MYT1L: variants seen among roughly 807,000 people sequenced by gnomAD.
The protein encoded by MYT1L is myelin transcription factor 1-like protein.
In MYT1L, 12 loss-of-function variants were observed where a neutral mutation model predicts 126.7. The observed-to-expected ratio is 0.09, with a 90% CI of 0.06 to 0.15. The LOEUF is 0.15. MYT1L is among the 10% of genes least tolerant of loss of function. The pLI, the probability that MYT1L is intolerant of heterozygous loss-of-function variation, is 1.00. For missense variants in MYT1L, 979 were observed against 1,585.2 expected (o/e 0.62, Z 6.49); for synonymous variants, 541 against 604.2 (o/e 0.90, Z 1.53).
At chr2:1,964,814 G>A (rs1558562136) in intron 8 of MYT1L, among the ~76,000 whole-genome samples, 4 of 152,190 alleles carry the variant, frequency 2.6e-5, no homozygotes, top group African/African-American at 7.2e-5. Context: ...ACAGGTGTCT[G>A]TGCTTCCGGA....
chr2:2,004,401 GCGTTCTTTCCTGCAT>G (rs2062892525), intron 4 of MYT1L, among the ~76,000 whole-genome samples: 4 of 126,364 alleles, frequency 3.2e-5, no homozygotes, highest in African/African-American at 1.3e-4. Context: ...TTTCCTGCAT[GCGTTCTTTCCTGCAT>G]GCGTTCTTTC....
chr2:2,107,710 G>C (rs1575205981), intron 3 of MYT1L, among the ~76,000 whole-genome samples: 1 of 152,124 alleles, frequency 6.6e-6, no homozygotes, highest in East Asian at 1.9e-4. Context: ...TTTTCAAAGA[G>C]AATAATGGGC....
At chr2:2,144,428 A>T (rs1210234496) in intron 3 of MYT1L, among the ~76,000 whole-genome samples, 2 of 152,218 alleles carry the variant, frequency 1.3e-5, no homozygotes, top group African/African-American at 4.8e-5. Context: ...CTGGAAAACT[A>T]GGCATAAATG....
At chr2:2,262,773 G>A (rs757639364) in intron 2 of MYT1L, among the ~76,000 whole-genome samples, 12 of 150,290 alleles carry the variant, frequency 8.0e-5, no homozygotes, top group African/African-American at 1.2e-4. Context: ...TTTCTAGCCC[G>A]CCCAAAGTCC....
intron 3 of MYT1L, among the ~76,000 whole-genome samples, chr2:2,079,400 G>A (rs2150304040): frequency 6.6e-6 from 1 of 152,268 alleles, no homozygotes; most frequent in South Asian, 2.1e-4. Context: ...CATTATTAAG[G>A]TAGCAATACT....
intron 4 of MYT1L, among the ~76,000 whole-genome samples, chr2:2,005,751 C>T (rs1228610268): frequency 6.1e-5 from 9 of 147,782 alleles, no homozygotes; most frequent in Non-Finnish European, 1.0e-4. Context: ...TTCTTTCCTG[C>T]AGGCGTTCTT....
At chr2:1,952,507 C>T (rs1020553802) in intron 8 of MYT1L, among the ~76,000 whole-genome samples, 64 of 152,024 alleles carry the variant, frequency 4.2e-4, no homozygotes, top group African/African-American at 1.5e-3. Context: ...TTCCAGGAGA[C>T]GTGGTTCTCC....
intron 1 of MYT1L, among the ~76,000 whole-genome samples, chr2:2,290,829 A>T (rs1048864168): frequency 6.6e-6 from 1 of 152,130 alleles, no homozygotes; most frequent in African/African-American, 2.4e-5. Context: ...GGTGATCCTG[A>T]TGTGTGGCCA....
intron 3 of MYT1L, among the ~76,000 whole-genome samples, chr2:2,065,015 A>T (rs1269229402): frequency 6.6e-6 from 1 of 152,132 alleles, no homozygotes; most frequent in Non-Finnish European, 1.5e-5. Context: ...CCTGGGAAAC[A>T]TAGGGAGAGG....
At chr2:1,879,108 G>T (rs2047251901) in intron 18 of MYT1L, among the ~76,000 whole-genome samples, 1 of 152,152 alleles carries the variant, frequency 6.6e-6, no homozygotes, top group African/African-American at 2.4e-5. Context: ...GAGCTTTCCT[G>T]CTTCCCCGGC....
chr2:2,037,192 G>A (rs1217089834), intron 4 of MYT1L, among the ~76,000 whole-genome samples: 2 of 152,218 alleles, frequency 1.3e-5, no homozygotes, highest in African/African-American at 4.8e-5. Context: ...TTTGCTGCCT[G>A]CACGATATTC....
chr2:1,963,076 AATAATAAGG>A (rs1245605336), intron 8 of MYT1L, among the ~76,000 whole-genome samples: 3 of 152,196 alleles, frequency 2.0e-5, no homozygotes, highest in African/African-American at 7.2e-5. Context: ...ATGTTTCTTA[AATAATAAGG>A]CTCGAAAGTC....
chr2:1,806,884 G>C lies in MYT1L; in HGVS notation c.3172+2192C>G, dbSNP rs769027278. ...TTTCCACTTTAATCCAGGGTTATTCGGGGGTGAAATGCCCTCTAAGTATTT... is the reference window on the plus strand; with the variant it reads ...TTTCCACTTTAATCCAGGGTTATTCCGGGGTGAAATGCCCTCTAAGTATTT... On this transcript the variant is annotated intron_variant, in intron 22 of 24. Coordinates refer to ENST00000647738, the MANE Select transcript of MYT1L (RefSeq NM_001303052.2). The surrounding 1 kb of genome is among the most constrained non-coding windows in gnomAD (Gnocchi z 4.9). Among the ~76,000 whole-genome samples, 11 of 152,330 alleles carry C rather than the reference G, an allele frequency of 7.2e-5. No individual in the cohort carries two copies. The highest frequency in any genetic ancestry group is 2.6e-4 in the African/African-American group (11 of 41,586).
intron 2 of MYT1L, among the ~76,000 whole-genome samples, chr2:2,196,640 A>AT (rs1272837183): frequency 2.6e-5 from 4 of 151,936 alleles, no homozygotes; most frequent in Admixed American, 2.0e-4. Flanking sequence ...GAGTTAAAGC[A>AT]TTGGTAATTT....
At chr2:2,232,946 G>GT (rs2149074457) in intron 2 of MYT1L, among the ~76,000 whole-genome samples, 1 of 152,214 alleles carries the variant, frequency 6.6e-6, no homozygotes, top group Admixed American at 6.5e-5. Context: ...GACCTTCAGA[G>GT]GTCTCTGTGA....
At chr2:1,839,393 C>G in intron 20 of MYT1L, 23 bp from the exon 21 acceptor site, 1 of 1,598,026 alleles carries the variant, frequency 6.3e-7, no homozygotes, top group Non-Finnish European at 8.6e-7. Flanking sequence ...AGAGGTGACA[C>G]ACTTTATTGT....
At chr2:2,292,113 C>T (rs750020727) in intron 1 of MYT1L, among the ~76,000 whole-genome samples, 17 of 152,178 alleles carry the variant, frequency 1.1e-4, no homozygotes, top group Non-Finnish European at 2.2e-4. Flanking sequence ...GGAATCTTCC[C>T]AGGCAAAAGG....
At chr2:1,796,659 T>C (rs1047731550) in intron 23 of MYT1L, among the ~76,000 whole-genome samples, 2 of 151,894 alleles carry the variant, frequency 1.3e-5, no homozygotes, top group Admixed American at 6.6e-5. Flanking sequence ...TGCCTGCTGT[T>C]TGGGCCACGG....
intron 4 of MYT1L, among the ~76,000 whole-genome samples, chr2:2,011,399 T>C (rs1204565357): frequency 2.1e-5 from 3 of 143,696 alleles, no homozygotes; most frequent in Non-Finnish European, 4.5e-5. Flanking sequence ...CAAGACTCCA[T>C]CTCAGAAAAA....
Sources: gnomAD v4.1 joint callset for allele counts (sites outside exome capture counted in the v4.1 genomes callset) on GRCh38, gnomAD v4.1.1 for gene constraint, Gnocchi (gnomAD v3.1) non-coding constraint, MANE v1.5 for transcripts, NCBI Gene and HGNC (gene_info 2026-07-23, HGNC 2026-07-21) for gene names.